The following PKIB variants were observed in gnomAD, a reference collection of about 807,000 sequenced individuals.
PKIB encodes cAMP-dependent protein kinase inhibitor beta.
PKIB carries 2 observed loss-of-function variants against 4.5 expected under a neutral mutation model. The observed-to-expected ratio is 0.44, with a 90% CI of 0.18 to 1.39. The LOEUF is 1.39. PKIB is among the 40% of genes most tolerant of loss of function. The pLI is 0.27. For synonymous variants in PKIB, 38 were observed against 36.0 expected (o/e 1.06, Z -0.20); for missense variants, 94 against 92.6 (o/e 1.02, Z -0.06).
At chr6:122,473,959 C>T (rs1775382356) in intron 1 of PKIB, among the ~76,000 whole-genome samples, 1 of 152,174 alleles carries the variant, frequency 6.6e-6, no homozygotes, top group African/African-American at 2.4e-5. Context: ...ATGGCGAAAA[C>T]CTGTCTCTAC....
intron 2 of PKIB, among the ~76,000 whole-genome samples, chr6:122,667,734 C>G (rs1212790969): frequency 6.6e-6 from 1 of 152,056 alleles, no homozygotes; most frequent in Non-Finnish European, 1.5e-5. Flanking sequence ...TTAAGAAGCA[C>G]TGAATAGTTT....
chr6:122,489,371 C>T (rs1168973681), intron 2 of PKIB, among the ~76,000 whole-genome samples: 2 of 152,084 alleles, frequency 1.3e-5, no homozygotes, highest in Non-Finnish European at 2.9e-5. Context: ...CCTCAGCCTC[C>T]TGAGTAGCTG....
At chr6:122,548,796 G>T (rs1772581903) in intron 2 of PKIB, among the ~76,000 whole-genome samples, 1 of 152,084 alleles carries the variant, frequency 6.6e-6, no homozygotes, top group Non-Finnish European at 1.5e-5. Flanking sequence ...AGCATATTTT[G>T]ATTGTGTTTT....
intron 2 of PKIB, among the ~76,000 whole-genome samples, chr6:122,509,307 A>C (rs1776516190): frequency 6.6e-6 from 1 of 152,196 alleles, no homozygotes; most frequent in Admixed American, 6.5e-5. Context: ...TGTTAAATTA[A>C]CTTGTCACGT....
intron 2 of PKIB, among the ~76,000 whole-genome samples, chr6:122,522,616 C>A (rs1776979294): frequency 6.6e-6 from 1 of 152,144 alleles, no homozygotes; most frequent in African/African-American, 2.4e-5. Flanking sequence ...AGTGTAGTAT[C>A]TGGGCTGGAT....
At chr6:122,674,105 G>A (rs994440557) in intron 2 of PKIB, among the ~76,000 whole-genome samples, 1 of 152,138 alleles carries the variant, frequency 6.6e-6, no homozygotes, top group African/African-American at 2.4e-5. Context: ...TGGAGGTTGG[G>A]CATGGGTGAA....
chr6:122,625,798 G>A (rs1249262600), intron 1 of PKIB, among the ~76,000 whole-genome samples: 1 of 152,138 alleles, frequency 6.6e-6, no homozygotes, highest in Non-Finnish European at 1.5e-5. Context: ...GCCAGCTTCA[G>A]TGGCTCATAC....
chr6:122,671,804 T>C (rs944918888), intron 2 of PKIB, among the ~76,000 whole-genome samples: 1 of 152,222 alleles, frequency 6.6e-6, no homozygotes, highest in African/African-American at 2.4e-5. Context: ...AATTTTGTGC[T>C]TCAGACCTGA....
chr6:122,650,914 A>T (rs1203353274), intron 2 of PKIB, among the ~76,000 whole-genome samples: 4 of 152,192 alleles, frequency 2.6e-5, no homozygotes, highest in Admixed American at 2.0e-4. Context: ...TTTAATGTAG[A>T]CCGCCTTGTA....
intron 2 of PKIB, chr6:122,480,789 T>C (rs1582647201): frequency 6.6e-6 from 1 of 152,218 alleles, no homozygotes; most frequent in Non-Finnish European, 1.5e-5. Flanking sequence ...GGTTACTCTC[T>C]AAAGCTTAGT....
At chr6:122,497,882 A>G (rs1776120543) in intron 2 of PKIB, among the ~76,000 whole-genome samples, 1 of 152,136 alleles carries the variant, frequency 6.6e-6, no homozygotes, top group Non-Finnish European at 1.5e-5. Flanking sequence ...TCTACAGGAC[A>G]CTCTACCCAT....
intron 2 of PKIB, among the ~76,000 whole-genome samples, chr6:122,540,168 G>A (rs1233760884): frequency 1.3e-5 from 2 of 152,090 alleles, no homozygotes; most frequent in African/African-American, 4.8e-5. Context: ...GGTTTTTTGT[G>A]TCTCTATTTC....
intron 2 of PKIB, among the ~76,000 whole-genome samples, chr6:122,668,866 A>G (rs1414498675): frequency 2.0e-5 from 3 of 152,222 alleles, no homozygotes. Flanking sequence ...TCTTCCAATG[A>G]AACAATAAAA....
chr6:122,552,942 A>G (rs1772722490), intron 2 of PKIB, among the ~76,000 whole-genome samples: 1 of 151,434 alleles, frequency 6.6e-6, no homozygotes, highest in African/African-American at 2.4e-5. Flanking sequence ...AGTAGTGGCT[A>G]CTCCTTATAT....
At position 122,717,907 on chromosome 6, in the gene PKIB, C is replaced by G; in HGVS notation, c.113C>G (p.Ala38Gly). ...NALPDIQSSAATDGTSDLPLK... is the reference protein window; with the variant it reads ...NALPDIQSSAGTDGTSDLPLK... ...TTACCAGACATCCAGAGTTCAGCTG[C>G]CACAGACGGAACCTCAGATTTGCCC... Residue 38 changes from alanine (A) to glycine (G), a missense_variant, in exon 4 of 5, where the codon GCC becomes GGC. Coordinates refer to ENST00000368452, the MANE Select transcript of PKIB (RefSeq NM_181795.3). 6.2e-7 allele frequency: 1 copy of G among 1,614,104 alleles called. No individual in the cohort carries two copies. The highest frequency in any genetic ancestry group is 8.5e-7 in the Non-Finnish European group (1 of 1,179,988).
chr6:122,604,640 C>T (rs535863503), intron 3 of PKIB, among the ~76,000 whole-genome samples: 14 of 152,250 alleles, frequency 9.2e-5, no homozygotes, highest in African/African-American at 3.1e-4. Context: ...AATAAGGAGG[C>T]CAATTCAGAG....
chr6:122,534,175 A>G (rs188222460), intron 2 of PKIB, among the ~76,000 whole-genome samples: 10 of 148,680 alleles, frequency 6.7e-5, no homozygotes, highest in Non-Finnish European at 8.9e-5. Context: ...ATACTAACAT[A>G]TATAATATAT....
intron 2 of PKIB, among the ~76,000 whole-genome samples, chr6:122,540,159 G>GT (rs1379221922): frequency 2.0e-5 from 3 of 152,014 alleles, no homozygotes; most frequent in South Asian, 2.1e-4. Flanking sequence ...TTTTTGAAGG[G>GT]TTTTTTGTGT....
At chr6:122,695,042 A>G (rs1011919431) in intron 3 of PKIB, among the ~76,000 whole-genome samples, 1 of 152,174 alleles carries the variant, frequency 6.6e-6, no homozygotes, top group Non-Finnish European at 1.5e-5. Flanking sequence ...GTAACCAGAA[A>G]ATACCCTCTC....
Sources: gnomAD v4.1 joint callset for allele counts (sites outside exome capture counted in the v4.1 genomes callset) on GRCh38, gnomAD v4.1.1 for gene constraint, MANE v1.5 for transcripts, NCBI Gene and HGNC (gene_info 2026-07-23, HGNC 2026-07-21) for gene names.